Variants in PPARGC1B observed in about 807,000 individuals in gnomAD.
The protein encoded by PPARGC1B is peroxisome proliferator-activated receptor gamma coactivator 1-beta.
In PPARGC1B, 34 loss-of-function variants were observed where a neutral mutation model predicts 101.6. The ratio of observed to expected loss-of-function variants is 0.33; its 90% confidence interval spans 0.25 to 0.45. The LOEUF (loss-of-function observed/expected upper bound fraction) is 0.45. Among genes scored for constraint, PPARGC1B ranks in the 20% least tolerant of loss-of-function variants. The probability of loss-of-function intolerance (pLI) is 1.00; values close to 1 mark genes in which losing one functional copy is unlikely to be tolerated. For missense variants in PPARGC1B, 1,234 were observed against 1,317.6 expected, an observed-to-expected ratio of 0.94 and a Z score of 0.98; for synonymous variants, 548 against 539.3, an observed-to-expected ratio of 1.02 and a Z score of -0.22.
At chr5:149,801,962 A>G (rs901564821) in intron 1 of PPARGC1B, among the ~76,000 whole-genome samples, 3 of 152,218 alleles carry the variant, frequency 2.0e-5, no homozygotes, top group African/African-American at 7.2e-5. Flanking sequence ...AATCCTCATA[A>G]GAACCCTAAG....
At chr5:149,743,913 G>C (rs1203900217) in intron 1 of PPARGC1B, among the ~76,000 whole-genome samples, 1 of 152,202 alleles carries the variant, frequency 6.6e-6, no homozygotes, top group African/African-American at 2.4e-5. Context: ...CTGGGGAGGG[G>C]CTCAGAGTTT....
At chr5:149,835,216 C>A in intron 6 of PPARGC1B, 85 bp from the exon 7 acceptor site, 2 of 1,253,172 alleles carry the variant, frequency 1.6e-6, no homozygotes, top group Non-Finnish European at 1.2e-6. Context: ...TGTCACAGCA[C>A]TCCCTGCGAC....
intron 1 of PPARGC1B, among the ~76,000 whole-genome samples, chr5:149,749,825 T>G (rs555812506): frequency 6.6e-6 from 1 of 152,236 alleles, no homozygotes; most frequent in African/African-American, 2.4e-5. Context: ...TTTCTAAACG[T>G]GAGCTGTTTT....
At chr5:149,805,412 A>G (rs1376421498) in intron 1 of PPARGC1B, among the ~76,000 whole-genome samples, 21 of 152,208 alleles carry the variant, frequency 1.4e-4, no homozygotes, top group Admixed American at 1.4e-3. Flanking sequence ...CTAATGTGTA[A>G]GAAAGAAATA....
At chr5:149,810,748 G>C (rs144523500) in intron 1 of PPARGC1B, among the ~76,000 whole-genome samples, 1 of 152,188 alleles carries the variant, frequency 6.6e-6, no homozygotes, top group African/African-American at 2.4e-5. Context: ...GGGAGATCCC[G>C]GTTTGTGTTC....
In PPARGC1B at chr5:149,852,546, G is replaced by C. The variant is rs1272373507; in HGVS notation, c.*4988G>C. The C allele has an allele frequency of 2.0e-5, 3 of 152,162 alleles. No homozygotes were observed. Among genetic ancestry groups the C allele is most frequent in the African/African-American group, 7.2e-5 (3 of 41,442 alleles). The allele number at this position is 152,162 out of a possible 1,614,324, so 9.4% of individuals were successfully genotyped here. On this transcript the variant is annotated 3_prime_UTR_variant, in exon 12 of 12. Coordinates refer to ENST00000309241, the MANE Select transcript of PPARGC1B (RefSeq NM_133263.4). ...CTCCCCGGGACAGATCTAAGCCATAGTTTCTAGTGGGGACAGTAAGGAATT... is the reference window on the plus strand; with the variant it reads ...CTCCCCGGGACAGATCTAAGCCATACTTTCTAGTGGGGACAGTAAGGAATT...
chr5:149,836,497 A>G lies in PPARGC1B; in HGVS notation c.2042A>G (p.Gln681Arg). The G allele has an allele frequency of 1.2e-6, 2 of 1,614,098 alleles. No individual in the cohort carries two copies. Among genetic ancestry groups the G allele is most frequent in the Non-Finnish European group, 1.7e-6 (2 of 1,180,044 alleles). ...GCCCAGCCAGCCTCCCAGGCTGGCCAGAAGCGTCCCTTCTCCTGTTCCTTT... is the reference window on the plus strand; with the variant it reads ...GCCCAGCCAGCCTCCCAGGCTGGCCGGAAGCGTCCCTTCTCCTGTTCCTTT... ...ATAQPASQAG[Q>R]KRPFSCSFGD... Residue 681 changes from glutamine to arginine, a missense_variant, in exon 8 of 12, where the codon CAG becomes CGG. Transcript: ENST00000309241.
intron 9 of PPARGC1B, 66 bp downstream of exon 9, chr5:149,840,182 A>G (rs1759276613): frequency 2.7e-6 from 4 of 1,489,886 alleles, no homozygotes; most frequent in Middle Eastern, 1.8e-4. Flanking sequence ...TGGGGGCTTC[A>G]TGGACCAAAG....
chr5:149,744,840 T>C (rs971636364), intron 1 of PPARGC1B, among the ~76,000 whole-genome samples: 9 of 151,874 alleles, frequency 5.9e-5, no homozygotes, highest in Admixed American at 6.6e-5. Context: ...CAAGAAACAG[T>C]GGCACTTGCG....
At chr5:149,843,369 C>A (rs1023352788) in intron 10 of PPARGC1B, among the ~76,000 whole-genome samples, 1 of 152,088 alleles carries the variant, frequency 6.6e-6, no homozygotes, top group Admixed American at 6.5e-5. Context: ...CTAAGTTATT[C>A]GGGTTTTTAC....
chr5:149,743,032 G>T (rs1409139545), intron 1 of PPARGC1B, among the ~76,000 whole-genome samples: 1 of 152,046 alleles, frequency 6.6e-6, no homozygotes, highest in African/African-American at 2.4e-5. Flanking sequence ...TATATGGGGA[G>T]AACATCCATT....
intron 11 of PPARGC1B, chr5:149,846,318 G>A: frequency 2.6e-6 from 1 of 386,614 alleles, no homozygotes; most frequent in South Asian, 6.4e-5. Flanking sequence ...TGATGAAGAA[G>A]GACAAAGAAG....
intron 1 of PPARGC1B, among the ~76,000 whole-genome samples, chr5:149,734,597 A>G (rs1754629346): frequency 6.6e-6 from 1 of 152,172 alleles, no homozygotes; most frequent in Non-Finnish European, 1.5e-5. Flanking sequence ...TAAAACGAAT[A>G]TCTTTTTATG....
intron 1 of PPARGC1B, among the ~76,000 whole-genome samples, chr5:149,759,776 G>T (rs777774442): frequency 2.6e-5 from 4 of 152,208 alleles, no homozygotes; most frequent in Non-Finnish European, 5.9e-5. Flanking sequence ...TGCTGCTTGG[G>T]AGTTGGTGAA....
intron 1 of PPARGC1B, chr5:149,771,948 A>G (rs1429036911): frequency 3.9e-6 from 5 of 1,266,536 alleles, no homozygotes; most frequent in Middle Eastern, 5.6e-4. Context: ...TTACATTCTC[A>G]TTTTAATCCT....
chr5:149,833,209 A>G lies in PPARGC1B; in HGVS notation c.1136A>G (p.Lys379Arg), dbSNP rs1469288417. Residue 379 changes from lysine to arginine, a missense_variant, in exon 5 of 12, where the codon AAA (lysine) becomes AGA (arginine). This residue lies in a region of PPARGC1B where 734 missense variants were observed against 768.4 expected (regional missense o/e 0.96). Transcript: ENST00000309241. This position sits in a 1 kb window ranked among gnomAD's most constrained non-coding sequence, Gnocchi z 4.1. The stretch of plus-strand genomic sequence containing the variant: ...CCTCGGTCAAGGCCCAGGCCCCCCA[A>G]AGACAGTCAGGCCTCCCCTGGTCGC... ...LTPRSRPRPP[K>R]DSQASPGRPS... 2 of 1,613,112 alleles carry G rather than the reference A, an allele frequency of 1.2e-6. No homozygotes were observed. Among genetic ancestry groups the G allele is most frequent in the African/African-American group, 1.3e-5 (1 of 74,906 alleles).
chr5:149,745,432 G>A (rs4705367), intron 1 of PPARGC1B, among the ~76,000 whole-genome samples: 17,159 of 152,126 alleles, frequency 0.11, 1,304 homozygotes, highest in Admixed American at 0.24. Flanking sequence ...TTTGAGAGTA[G>A]GCCCTTAAGC....
At chr5:149,824,547 A>C (rs1277147847) in intron 2 of PPARGC1B, among the ~76,000 whole-genome samples, 1 of 152,206 alleles carries the variant, frequency 6.6e-6, no homozygotes, top group Non-Finnish European at 1.5e-5. Context: ...GGAAAGGAGC[A>C]AGGCATAGAG....
rs556243037 is a variant in PPARGC1B at position 149,848,578 on chromosome 5, C to T, written c.*1020C>T. ...GCCTAAGGGCTCATTTTAGGGGTTA[C>T]ATTAGGTGTTGATTCACCAGCATCA... On this transcript the variant is annotated 3_prime_UTR_variant, in exon 12 of 12. Transcript: ENST00000309241. 5.3e-5 allele frequency: 8 copies of T among 152,318 alleles called. No individual in the cohort carries two copies. Among genetic ancestry groups the T allele is most frequent in the African/African-American group, 1.9e-4 (8 of 41,562 alleles). 9.4% of individuals were successfully genotyped at this position (152,318 alleles called of 1,614,324 possible). A position where few individuals can be genotyped will look rare whatever the true frequency, so the allele number is the denominator to read the frequency against.
Sources: allele counts gnomAD v4.1 joint callset (sites outside exome capture counted in the v4.1 genomes callset), GRCh38; gene constraint gnomAD v4.1.1; regional missense constraint gnomAD v4.1.1; non-coding constraint Gnocchi (gnomAD v3.1); transcripts MANE v1.5; gene names NCBI Gene and HGNC (gene_info 2026-07-23, HGNC 2026-07-21).